Variants in PTPRD observed in about 807,000 individuals in gnomAD.
The protein encoded by PTPRD is protein tyrosine phosphatase receptor type D, also known as receptor-type tyrosine-protein phosphatase delta.
In PTPRD, 34 loss-of-function variants were observed where a neutral mutation model predicts 214.5. The observed-to-expected ratio is 0.16, with a 90% confidence interval of 0.12 to 0.21. PTPRD has a LOEUF of 0.21. Ranked by LOEUF, PTPRD falls within the 10% of genes least tolerant of loss-of-function variation. PTPRD has a pLI of 1.00. For missense variants in PTPRD, 2,545 were observed against 2,398.7 expected (o/e 1.06, Z -1.27); for synonymous variants, 1,128 against 845.7 (o/e 1.33, Z -5.79).
intron 6 of PTPRD, among the ~76,000 whole-genome samples, chr9:9,748,200 A>G (rs966404670): frequency 5.3e-5 from 8 of 152,196 alleles, no homozygotes; most frequent in African/African-American, 1.9e-4. Flanking sequence ...GTATGGTAAT[A>G]ATCTTCTATG....
At chr9:8,607,121 T>G (rs750979705) in intron 14 of PTPRD, among the ~76,000 whole-genome samples, 2 of 152,194 alleles carry the variant, frequency 1.3e-5, no homozygotes, top group East Asian at 3.8e-4. Flanking sequence ...TTGTAGAACA[T>G]GGTGAGTATA....
At chr9:8,915,474 A>G (rs2098778563) in intron 11 of PTPRD, among the ~76,000 whole-genome samples, 1 of 152,080 alleles carries the variant, frequency 6.6e-6, no homozygotes. Context: ...GATCGGAACA[A>G]TGTGATATGT....
At chr9:9,865,705 G>C (rs2063789871) in intron 5 of PTPRD, among the ~76,000 whole-genome samples, 1 of 152,120 alleles carries the variant, frequency 6.6e-6, no homozygotes, top group Admixed American at 6.5e-5. Flanking sequence ...TGGTTCTCTG[G>C]TCAATACTCT....
chr9:10,024,921 G>A (rs1177369672), intron 4 of PTPRD, among the ~76,000 whole-genome samples: 2 of 151,344 alleles, frequency 1.3e-5, no homozygotes, highest in African/African-American at 2.4e-5. Context: ...GAGAATGGTG[G>A]TTTCCAGCTT....
chr9:9,881,234 C>A (rs766635329), intron 5 of PTPRD, among the ~76,000 whole-genome samples: 1 of 152,040 alleles, frequency 6.6e-6, no homozygotes, highest in Non-Finnish European at 1.5e-5. Context: ...GAGTAAACAG[C>A]TACTTTGGGA....
At chr9:10,086,048 G>C (rs890366371) in intron 3 of PTPRD, among the ~76,000 whole-genome samples, 3 of 151,798 alleles carry the variant, frequency 2.0e-5, no homozygotes, top group Admixed American at 1.3e-4. Flanking sequence ...ATAGAAATTA[G>C]TTGCGAGGAT....
At chr9:9,810,133 TAA>T (rs3050106) in intron 5 of PTPRD, among the ~76,000 whole-genome samples, 33 of 108,474 alleles carry the variant, frequency 3.0e-4, no homozygotes, top group Non-Finnish European at 3.9e-4. Flanking sequence ...ACTTCCAGGT[TAA>T]AAAAAAAAAA....
At chr9:9,453,296 A>C (rs2092522793) in intron 8 of PTPRD, among the ~76,000 whole-genome samples, 1 of 151,622 alleles carries the variant, frequency 6.6e-6, no homozygotes, top group African/African-American at 2.4e-5. Context: ...TTGCATATTC[A>C]GAGGCTGCCA....
intron 9 of PTPRD, among the ~76,000 whole-genome samples, chr9:9,345,857 A>C (rs116540596): frequency 2.0e-3 from 311 of 152,324 alleles, no homozygotes; most frequent in African/African-American, 7.3e-3. Flanking sequence ...TAACAAACAT[A>C]AAGTGCCTGG....
In PTPRD at chr9:9,336,582, G is replaced by A. The variant is rs140829238; in HGVS notation, c.-203+60867C>T. On this transcript the variant is annotated intron_variant, in intron 9 of 45. Coordinates refer to ENST00000381196, the MANE Select transcript of PTPRD (RefSeq NM_002839.4). ...ATATTAAGCAAATTATTCTCTATAT[G>A]GGTTGGCAGGTAATATGTGTTCTGG... 1.3e-3 allele frequency among the ~76,000 whole-genome samples: 196 copies of A among 152,102 alleles called. 1 individual carries two copies. Among genetic ancestry groups the A allele is most frequent in the Admixed American group, 1.3e-3 (20 of 15,250 alleles).
intron 2 of PTPRD, among the ~76,000 whole-genome samples, chr9:10,600,814 A>G (rs2077775060): frequency 6.6e-6 from 1 of 151,820 alleles, no homozygotes; most frequent in Non-Finnish European, 1.5e-5. Context: ...AGTCTCATAC[A>G]GAGTACTATA....
At chr9:10,359,059 C>A (rs867285237) in intron 2 of PTPRD, among the ~76,000 whole-genome samples, 1 of 151,818 alleles carries the variant, frequency 6.6e-6, no homozygotes, top group African/African-American at 2.4e-5. Flanking sequence ...AAGTCTAATA[C>A]CTAATGTCAC....
intron 9 of PTPRD, among the ~76,000 whole-genome samples, chr9:9,356,380 T>C (rs2053795370): frequency 6.6e-6 from 1 of 151,360 alleles, no homozygotes; most frequent in South Asian, 2.1e-4. Flanking sequence ...ATTCTTGTTG[T>C]ATAACAGCAC....
At chr9:10,099,802 A>T (rs112168050) in intron 3 of PTPRD, among the ~76,000 whole-genome samples, 3 of 151,666 alleles carry the variant, frequency 2.0e-5, no homozygotes, top group African/African-American at 4.8e-5. Flanking sequence ...CCTGATTGTT[A>T]AAAGAAGATT....
chr9:8,822,854 A>C (rs528188909), intron 11 of PTPRD, among the ~76,000 whole-genome samples: 1 of 152,072 alleles, frequency 6.6e-6, no homozygotes, highest in Admixed American at 6.5e-5. Flanking sequence ...CATTTACTTA[A>C]GCTACGGCAA....
rs2154320266 is a variant in PTPRD, at chr9:8,633,334, C to A, written c.335G>T (p.Arg112Ile). Reference sequence around the variant, plus strand: ...GCACTTACCCCGCAAAACTGTGAGTCTGGTGGATACACTTATTTCTCCCAC... The same window carrying A: ...GCACTTACCCCGCAAAACTGTGAGTATGGTGGATACACTTATTTCTCCCAC... ...NNVGEISVST[R>I]LTVLREDQIP... The change falls in exon 14 of 46, where the codon AGA (arginine) becomes ATA (isoleucine). Residue 112 changes from arginine to isoleucine, a missense_variant. Transcript: ENST00000381196. 1 of 1,611,986 alleles carries A rather than the reference C, an allele frequency of 6.2e-7. No individual in the cohort carries two copies. The highest frequency in any genetic ancestry group is 8.5e-7 in the Non-Finnish European group (1 of 1,178,748).
At chr9:8,459,027 G>A (rs1398390815) in intron 33 of PTPRD, among the ~76,000 whole-genome samples, 1 of 152,020 alleles carries the variant, frequency 6.6e-6, no homozygotes, top group Non-Finnish European at 1.5e-5. Context: ...AAAATGAAAT[G>A]GAGCCTTTTA....
At chr9:10,596,639 C>A (rs1488567546) in intron 2 of PTPRD, among the ~76,000 whole-genome samples, 3 of 151,480 alleles carry the variant, frequency 2.0e-5, no homozygotes, top group African/African-American at 7.3e-5. Context: ...ACCCATGCTT[C>A]CACATTGAGT....
rs538542470 is a variant in PTPRD at position 9,340,239 on chromosome 9, C to T, written c.-203+57210G>A. On this transcript the variant is annotated intron_variant, in intron 9 of 45. Coordinates refer to ENST00000381196, the MANE Select transcript of PTPRD (RefSeq NM_002839.4). ...GTGGATAAATGCCTCCCGTTTAAGA[C>T]AGAAAAACAGATGTTGCATCAGAAA... Among the ~76,000 whole-genome samples, 3 of 152,108 alleles carry T rather than the reference C, an allele frequency of 2.0e-5. No individual in the cohort carries two copies. The South Asian group carries it at 6.2e-4, about 32-fold the overall frequency.
Sources: allele counts gnomAD v4.1 joint callset (sites outside exome capture counted in the v4.1 genomes callset), GRCh38; gene constraint gnomAD v4.1.1; transcripts MANE v1.5; gene names NCBI Gene and HGNC (gene_info 2026-07-23, HGNC 2026-07-21).